TRPC4AP: variants seen among roughly 807,000 people sequenced by gnomAD.
TRPC4AP encodes the protein short transient receptor potential channel 4-associated protein.
Under a neutral mutation model 99.0 loss-of-function variants are expected in TRPC4AP, and 45 were observed. The observed-to-expected ratio is 0.45, with a 90% CI of 0.36 to 0.58. The LOEUF (loss-of-function observed/expected upper bound fraction) is 0.58, where lower values mean the gene tolerates loss of function less well. Ranked by LOEUF, TRPC4AP falls within the 20% of genes least tolerant of loss-of-function variation. The probability of loss-of-function intolerance (pLI) is 0.00; values close to 1 mark genes in which losing one functional copy is unlikely to be tolerated. For synonymous variants in TRPC4AP, 408 were observed against 385.8 expected (o/e 1.06, Z -0.67); for missense variants, 879 against 985.3 (o/e 0.89, Z 1.44).
chr20:35,069,051 T>G (rs575548704), intron 3 of TRPC4AP, among the ~76,000 whole-genome samples: 1 of 151,890 alleles, frequency 6.6e-6, no homozygotes, highest in South Asian at 2.1e-4. Context: ...GAGGGGACAC[T>G]GGGAAATTTA....
intron 1 of TRPC4AP, among the ~76,000 whole-genome samples, chr20:35,082,749 ATTGATAACATAAAGGAGAATAATTAT>A (rs1484844518): frequency 2.0e-5 from 3 of 152,228 alleles, no homozygotes; most frequent in East Asian, 3.8e-4. Context: ...AATTCACCAC[ATTGATAACATAAAGGAGAATAATTAT>A]TTGATAACAT....
At chr20:35,023,003 G>A (rs2082930952) in intron 8 of TRPC4AP, among the ~76,000 whole-genome samples, 1 of 149,954 alleles carries the variant, frequency 6.7e-6, no homozygotes, top group African/African-American at 2.4e-5. Flanking sequence ...CTCCAGCCTG[G>A]GCGACAGAGC....
intron 2 of TRPC4AP, among the ~76,000 whole-genome samples, chr20:35,077,567 CCA>C (rs2084515840): frequency 6.6e-6 from 1 of 152,212 alleles, no homozygotes; most frequent in Non-Finnish European, 1.5e-5. Context: ...TAAACACACT[CCA>C]GTTTGAGAAC....
intron 1 of TRPC4AP, among the ~76,000 whole-genome samples, chr20:35,091,886 G>A (rs2085076732): frequency 6.6e-6 from 1 of 152,120 alleles, no homozygotes; most frequent in Non-Finnish European, 1.5e-5. Context: ...TACAAGTGAG[G>A]AAACTGAGGC....
intron 11 of TRPC4AP, among the ~76,000 whole-genome samples, chr20:35,011,717 T>C (rs894229086): frequency 6.6e-6 from 1 of 152,180 alleles, no homozygotes; most frequent in African/African-American, 2.4e-5. Flanking sequence ...CTGGCCACAA[T>C]GGTCTTCCCT....
intron 1 of TRPC4AP, among the ~76,000 whole-genome samples, chr20:35,079,640 T>C (rs1323985381): frequency 2.0e-5 from 3 of 152,036 alleles, no homozygotes; most frequent in Non-Finnish European, 2.9e-5. Flanking sequence ...ACCAGGCTTA[T>C]CAAGAAAAAA....
At chr20:35,062,196 G>T (rs1825152193) in intron 3 of TRPC4AP, among the ~76,000 whole-genome samples, 1 of 152,164 alleles carries the variant, frequency 6.6e-6, no homozygotes, top group Non-Finnish European at 1.5e-5. Flanking sequence ...ATACACTGCT[G>T]GTAGATATGT....
chr20:35,042,867 C>T (rs2083471823), intron 7 of TRPC4AP, among the ~76,000 whole-genome samples: 1 of 152,160 alleles, frequency 6.6e-6, no homozygotes, highest in South Asian at 2.1e-4. Flanking sequence ...TAAAATCAAA[C>T]AATATATGAA....
intron 7 of TRPC4AP, among the ~76,000 whole-genome samples, chr20:35,036,473 GA>G (rs2083321206): frequency 6.6e-6 from 1 of 152,166 alleles, no homozygotes; most frequent in Admixed American, 6.5e-5. Context: ...TAAATAACTA[GA>G]TATTTCAGGA....
At chr20:35,053,720 T>C (rs1040351292) in intron 5 of TRPC4AP, among the ~76,000 whole-genome samples, 2 of 152,138 alleles carry the variant, frequency 1.3e-5, no homozygotes, top group African/African-American at 2.4e-5. Context: ...AACAAGTAAA[T>C]ATCTCATTAA....
In TRPC4AP at chr20:35,059,853, AGAT is replaced by A. The variant is rs530955255; in HGVS notation, c.415-2285_415-2283del. On this transcript the variant is annotated intron_variant, in intron 3 of 18. Coordinates refer to ENST00000252015, the MANE Select transcript of TRPC4AP (RefSeq NM_015638.3). ...ATGAAGACAAAGAAGACGAAGATGA[AGAT>A]GAAGAAAAGATGAAGAAAAGACGAA... 6.0e-5 allele frequency among the ~76,000 whole-genome samples: 9 copies of A among 149,876 alleles called. No individual in the cohort carries two copies. In the South Asian group the frequency reaches 1.5e-3, roughly 24 times the overall value.
rs549449754 is a variant in TRPC4AP at position 35,003,093 on chromosome 20, G to A, written c.*53C>T. Reference sequence around the variant, plus strand: ...GGAACAGGGCAGGGCGTGTGGCATCGTACCCACGCTCACCCACACTGGCCC... The same window carrying A: ...GGAACAGGGCAGGGCGTGTGGCATCATACCCACGCTCACCCACACTGGCCC... On this transcript the variant is annotated 3_prime_UTR_variant, in exon 19 of 19. Coordinates refer to ENST00000252015, the MANE Select transcript of TRPC4AP (RefSeq NM_015638.3). The A allele has an allele frequency of 1.8e-4, 292 of 1,607,044 alleles. 3 individuals carry two copies. The South Asian group carries it at 2.9e-3, about 16-fold the overall frequency.
intron 1 of TRPC4AP, among the ~76,000 whole-genome samples, chr20:35,079,636 C>T (rs1373007955): frequency 6.6e-6 from 1 of 151,968 alleles, no homozygotes; most frequent in Non-Finnish European, 1.5e-5. Context: ...TCTAACCAGG[C>T]TTATCAAGAA....
chr20:35,070,441 C>T (rs1395560234), intron 2 of TRPC4AP, among the ~76,000 whole-genome samples: 3 of 151,068 alleles, frequency 2.0e-5, no homozygotes, highest in Non-Finnish European at 2.9e-5. Context: ...GAGGGAGTCT[C>T]GCTCTGCCAC....
chr20:35,008,538 T>C (rs2082562138), intron 13 of TRPC4AP, 126 bp downstream of exon 13: 1 of 791,736 alleles, frequency 1.3e-6, no homozygotes, highest in African/African-American at 1.7e-5. Context: ...AAACCACCTC[T>C]CCCCAACAGT....
chr20:35,060,447 C>T (rs1014063999), intron 3 of TRPC4AP, among the ~76,000 whole-genome samples: 1 of 151,664 alleles, frequency 6.6e-6, no homozygotes, highest in Admixed American at 6.6e-5. Flanking sequence ...AAAAATTAGC[C>T]AAGCATGGTA....
chr20:35,036,960 AAC>A (rs34177220), intron 7 of TRPC4AP, among the ~76,000 whole-genome samples: 47 of 148,974 alleles, frequency 3.2e-4, no homozygotes, highest in Admixed American at 8.7e-4. Context: ...TGCGCACACA[AAC>A]ACACACACAC....
chr20:35,045,441 G>C (rs1299576119), intron 6 of TRPC4AP, among the ~76,000 whole-genome samples: 1 of 152,032 alleles, frequency 6.6e-6, no homozygotes, highest in Non-Finnish European at 1.5e-5. Context: ...TGTCATCATA[G>C]CTTACTGCAG....
At chr20:35,069,497 C>A in intron 2 of TRPC4AP, 85 bp from the exon 3 acceptor site, 1 of 835,440 alleles carries the variant, frequency 1.2e-6, no homozygotes, top group South Asian at 1.5e-5. Flanking sequence ...GCTTTAGTCC[C>A]AACTGGAGTT....
Sources: gnomAD v4.1 joint callset for allele counts (sites outside exome capture counted in the v4.1 genomes callset) on GRCh38, gnomAD v4.1.1 for gene constraint, MANE v1.5 for transcripts, NCBI Gene and HGNC (gene_info 2026-07-23, HGNC 2026-07-21) for gene names.